The following FGGY variants were observed in gnomAD, a reference collection of about 807,000 sequenced individuals.
FGGY encodes the protein FGGY carbohydrate kinase domain-containing protein.
A neutral mutation model predicts 71.3 loss-of-function variants in FGGY; 72 were observed. That is an observed-to-expected ratio of 1.01 (90% confidence interval 0.84 to 1.23). The LOEUF is 1.23. Among genes scored for constraint, FGGY ranks in the 50% most tolerant of loss-of-function variants. FGGY has a pLI of 0.00. For synonymous variants in FGGY, 251 were observed against 250.3 expected (o/e 1.00, Z -0.02); for missense variants, 668 against 682.3 (o/e 0.98, Z 0.23).
At chr1:59,320,022 A>G (rs2046112949) in intron 1 of FGGY, among the ~76,000 whole-genome samples, 1 of 152,190 alleles carries the variant, frequency 6.6e-6, no homozygotes, top group Non-Finnish European at 1.5e-5. Context: ...ACTGGTGCTA[A>G]TGGTCATATG....
intron 9 of FGGY, among the ~76,000 whole-genome samples, chr1:59,623,363 G>GT (rs1439834026): frequency 1.3e-5 from 2 of 152,104 alleles, no homozygotes; most frequent in Non-Finnish European, 2.9e-5. Context: ...ATTTTCACCA[G>GT]TTTACTAATT....
chr1:59,364,377 G>A (rs1329026983), intron 4 of FGGY, among the ~76,000 whole-genome samples: 1 of 152,204 alleles, frequency 6.6e-6, no homozygotes, highest in Non-Finnish European at 1.5e-5. Context: ...CTCTGCTCCT[G>A]AAACAGACTG....
At chr1:59,662,297 G>A (rs1451310941) in intron 12 of FGGY, among the ~76,000 whole-genome samples, 1 of 147,120 alleles carries the variant, frequency 6.8e-6, no homozygotes, top group African/African-American at 2.5e-5. Flanking sequence ...TCCAGCCTGG[G>A]TCACAGAGCG....
intron 5 of FGGY, among the ~76,000 whole-genome samples, chr1:59,447,665 CA>C (rs941887076): frequency 6.6e-6 from 1 of 152,150 alleles, no homozygotes; most frequent in Non-Finnish European, 1.5e-5. Flanking sequence ...CTCACAAGAT[CA>C]GATGGTTTTA....
intron 14 of FGGY, among the ~76,000 whole-genome samples, chr1:59,715,022 C>T (rs2097833348): frequency 6.6e-6 from 1 of 152,148 alleles, no homozygotes; most frequent in South Asian, 2.1e-4. Flanking sequence ...TCTGGATGCC[C>T]TTTGTTTCCC....
intron 12 of FGGY, among the ~76,000 whole-genome samples, chr1:59,666,118 C>T (rs775409207): frequency 1.3e-5 from 2 of 152,212 alleles, no homozygotes; most frequent in African/African-American, 4.8e-5. Flanking sequence ...CTCATGCCTT[C>T]TTCTTGGTGG....
intron 6 of FGGY, among the ~76,000 whole-genome samples, chr1:59,464,731 C>T (rs532404404): frequency 9.1e-4 from 139 of 152,076 alleles, no homozygotes; most frequent in African/African-American, 3.3e-3. Flanking sequence ...CATCAGAGAA[C>T]ACTATAAACA....
intron 5 of FGGY, among the ~76,000 whole-genome samples, chr1:59,415,260 G>T (rs1009179017): frequency 2.6e-5 from 4 of 152,052 alleles, no homozygotes; most frequent in Admixed American, 2.6e-4. Context: ...TTATTAAAAT[G>T]TGAGCAATAT....
chr1:59,593,851 T>C (rs1000189011), intron 8 of FGGY, among the ~76,000 whole-genome samples: 3 of 152,210 alleles, frequency 2.0e-5, no homozygotes, highest in South Asian at 2.1e-4. Flanking sequence ...AAGGGTCATG[T>C]GAAGTGTCTC....
intron 8 of FGGY, among the ~76,000 whole-genome samples, chr1:59,559,077 C>G (rs1453681762): frequency 6.6e-6 from 1 of 152,182 alleles, no homozygotes; most frequent in Non-Finnish European, 1.5e-5. Flanking sequence ...TTCAAACACA[C>G]ATCTTTTACA....
intron 5 of FGGY, among the ~76,000 whole-genome samples, chr1:59,399,333 T>C (rs1001734479): frequency 6.6e-6 from 1 of 152,206 alleles, no homozygotes; most frequent in African/African-American, 2.4e-5. Flanking sequence ...TGAATAATAC[T>C]TATATGTCAG....
At position 59,429,100 on chromosome 1, in the gene FGGY, C is replaced by T. The variant is rs953693897; in HGVS notation, c.555-27861C>T. 3.3e-5 allele frequency among the ~76,000 whole-genome samples: 5 copies of T among 152,240 alleles called. No individual in the cohort carries two copies. In the East Asian group the frequency reaches 5.8e-4, roughly 18 times the overall value. On this transcript the variant is annotated intron_variant, in intron 5 of 15. Coordinates refer to ENST00000303721, the MANE Select transcript of FGGY (RefSeq NM_018291.5). Reference sequence around the variant, plus strand: ...TGGCAGACAGCTTTCTTCACTTTCACGCAAATGAAGTACAAGACAATCACA... The same window carrying T: ...TGGCAGACAGCTTTCTTCACTTTCATGCAAATGAAGTACAAGACAATCACA...
chr1:59,472,795 C>T (rs971518287), intron 6 of FGGY, among the ~76,000 whole-genome samples: 10 of 148,782 alleles, frequency 6.7e-5, no homozygotes, highest in Non-Finnish European at 1.0e-4. Flanking sequence ...TTGTGTCTAG[C>T]TCAGGGATTG....
intron 5 of FGGY, among the ~76,000 whole-genome samples, chr1:59,440,768 C>T (rs1471328974): frequency 6.6e-6 from 1 of 150,558 alleles, no homozygotes; most frequent in African/African-American, 2.4e-5. Context: ...GAATAACACA[C>T]CTTTGGATGA....
intron 6 of FGGY, among the ~76,000 whole-genome samples, chr1:59,460,191 C>T (rs565024780): frequency 2.4e-4 from 36 of 152,240 alleles, no homozygotes; most frequent in African/African-American, 7.7e-4. Context: ...GGGACACTGC[C>T]GCCCAAATAC....
intron 1 of FGGY, among the ~76,000 whole-genome samples, chr1:59,311,985 A>G (rs2044426774): frequency 1.3e-5 from 2 of 152,150 alleles, no homozygotes; most frequent in South Asian, 2.1e-4. Flanking sequence ...TTTGATTTGC[A>G]TTTCTCTAAT....
intron 6 of FGGY, among the ~76,000 whole-genome samples, chr1:59,469,752 C>A (rs909935278): frequency 2.0e-5 from 3 of 152,110 alleles, no homozygotes; most frequent in African/African-American, 7.2e-5. Flanking sequence ...CACCCTTTGT[C>A]CTCCACCCTC....
chr1:59,490,433 A>G (rs2093794164), intron 6 of FGGY, among the ~76,000 whole-genome samples: 1 of 152,134 alleles, frequency 6.6e-6, no homozygotes, highest in Non-Finnish European at 1.5e-5. Flanking sequence ...TGACCAATGA[A>G]TAGTTTGCAA....
chr1:59,658,178 ACATTCTGGTGTC>A (rs1278715325), intron 11 of FGGY, among the ~76,000 whole-genome samples: 6 of 152,166 alleles, frequency 3.9e-5, no homozygotes, highest in Non-Finnish European at 8.8e-5. Context: ...CAGAACACCT[ACATTCTGGTGTC>A]CATTCTCTGT....
Sources: allele counts gnomAD v4.1 joint callset (sites outside exome capture counted in the v4.1 genomes callset), GRCh38; gene constraint gnomAD v4.1.1; transcripts MANE v1.5; gene names NCBI Gene and HGNC (gene_info 2026-07-23, HGNC 2026-07-21).